The following CNDP1 variants were observed in gnomAD, a reference collection of about 807,000 sequenced individuals.
CNDP1 encodes the protein carnosine dipeptidase 1.
A neutral mutation model predicts 58.1 loss-of-function variants in CNDP1; 44 were observed. That is an observed-to-expected ratio of 0.76 (90% CI 0.60 to 0.97). The LOEUF is 0.97. Ranked by LOEUF, CNDP1 falls within the 50% of genes least tolerant of loss-of-function variation. The probability of loss-of-function intolerance (pLI) is 0.00; values close to 1 mark genes in which losing one functional copy is unlikely to be tolerated. For missense variants in CNDP1, 616 were observed against 655.1 expected, an observed-to-expected ratio of 0.94 and a Z score of 0.65; for synonymous variants, 254 against 252.6, an observed-to-expected ratio of 1.01 and a Z score of -0.05.
intron 1 of CNDP1, among the ~76,000 whole-genome samples, chr18:74,554,405 C>G (rs1980984607): frequency 6.6e-6 from 1 of 152,168 alleles, no homozygotes; most frequent in Admixed American, 6.5e-5. Context: ...GAGATGCACT[C>G]TTTATTGCCG....
intron 7 of CNDP1, among the ~76,000 whole-genome samples, chr18:74,572,727 G>T (rs36060345): frequency 7.0e-6 from 1 of 142,418 alleles, no homozygotes; most frequent in Non-Finnish European, 1.5e-5. Context: ...GGCAGAGGTT[G>T]CAGTGAGCTG....
intron 1 of CNDP1, among the ~76,000 whole-genome samples, chr18:74,547,163 G>A (rs149741725): frequency 6.6e-6 from 1 of 152,212 alleles, no homozygotes; most frequent in Non-Finnish European, 1.5e-5. Context: ...TTAAAATCCT[G>A]TGATGGTGAG....
intron 1 of CNDP1, among the ~76,000 whole-genome samples, chr18:74,553,533 T>C (rs1225983839): frequency 6.6e-6 from 1 of 152,200 alleles, no homozygotes; most frequent in Middle Eastern, 3.2e-3. Context: ...CCCCATTGAA[T>C]GATCTCCGCA....
In CNDP1 at chr18:74,552,067, A is replaced by G. The variant is rs116731155; in HGVS notation, c.25-4271A>G. ...CGCCCCTGGCTCCTGGCTAAGTCCC[A>G]CAGAGCTGGGCTGGATCTGGCTTCA... On this transcript the variant is annotated intron_variant, in intron 1 of 11. Transcript: ENST00000358821. Among the ~76,000 whole-genome samples the G allele has an allele frequency of 1.8e-3, 276 of 152,306 alleles. 1 individual carries two copies. Among genetic ancestry groups the G allele is most frequent in the African/African-American group, 6.5e-3 (271 of 41,548 alleles).
intron 6 of CNDP1, among the ~76,000 whole-genome samples, chr18:74,569,718 G>A (rs1482950412): frequency 6.6e-6 from 1 of 152,150 alleles, no homozygotes; most frequent in Non-Finnish European, 1.5e-5. Context: ...GAGTTCCCAA[G>A]GAGGCAATTC....
chr18:74,584,769 A>G lies in CNDP1; in HGVS notation c.*207A>G. The G allele has an allele frequency of 1.9e-6, 1 of 528,470 alleles. No individual in the cohort carries two copies. The highest frequency in any genetic ancestry group is 3.4e-6 in the Non-Finnish European group (1 of 295,206). The allele number at this position is 528,470 out of a possible 1,614,324, so 32.7% of individuals were successfully genotyped here. On this transcript the variant is annotated 3_prime_UTR_variant, in exon 12 of 12. Coordinates refer to ENST00000358821, the MANE Select transcript of CNDP1 (RefSeq NM_032649.6). ...GAAATGGTTTAAGGTCCCCCACTGC[A>G]CACCTTCCTCAAGTCATAGCTGCTT...
At chr18:74,560,701 GAAAAAA>G (rs796679431) in intron 3 of CNDP1, among the ~76,000 whole-genome samples, 149 bp from the exon 4 acceptor site, 4 of 150,210 alleles carry the variant, frequency 2.7e-5, no homozygotes, top group Non-Finnish European at 5.9e-5. Context: ...AAAGAAAAAA[GAAAAAA>G]AAAGTGTTTC....
intron 7 of CNDP1, chr18:74,576,640 G>C: frequency 4.8e-6 from 2 of 412,930 alleles, no homozygotes; most frequent in Non-Finnish European, 8.6e-6. Context: ...CCTTTGACAA[G>C]GTGAACACTA....
chr18:74,574,107 T>A (rs1219695871), intron 7 of CNDP1, among the ~76,000 whole-genome samples: 1 of 152,168 alleles, frequency 6.6e-6, no homozygotes, highest in Non-Finnish European at 1.5e-5. Context: ...CTGTGTCCAC[T>A]CCTGCAGGCT....
At chr18:74,547,837 C>T (rs1304035550) in intron 1 of CNDP1, among the ~76,000 whole-genome samples, 2 of 152,184 alleles carry the variant, frequency 1.3e-5, no homozygotes, top group African/African-American at 4.8e-5. Flanking sequence ...ATGTAAACCT[C>T]CCGCTAAGAG....
intron 5 of CNDP1, 30 bp from the exon 6 acceptor site, chr18:74,567,203 G>A: frequency 6.3e-7 from 1 of 1,582,594 alleles, no homozygotes; most frequent in Non-Finnish European, 8.7e-7. Flanking sequence ...CAGGCAACTT[G>A]TGCAATTTTT....
At chr18:74,540,571 T>G (rs950119170) in intron 1 of CNDP1, among the ~76,000 whole-genome samples, 2 of 152,162 alleles carry the variant, frequency 1.3e-5, no homozygotes, top group African/African-American at 4.8e-5. Flanking sequence ...TTGGGGAACC[T>G]CAGTGAGGAT....
intron 1 of CNDP1, among the ~76,000 whole-genome samples, chr18:74,555,856 G>A (rs1981024174): frequency 6.6e-6 from 1 of 152,144 alleles, no homozygotes; most frequent in Non-Finnish European, 1.5e-5. Flanking sequence ...AAAGTACTGT[G>A]ATTTCAGGAG....
At chr18:74,567,102 A>C (rs4891562) in intron 5 of CNDP1, 131 bp from the exon 6 acceptor site, 422,270 of 694,244 alleles carry the variant, frequency 0.61, 132,748 homozygotes, top group Non-Finnish European at 0.67. Context: ...CCATGATTCA[A>C]TTACCTCCCC....
At chr18:74,555,948 T>C (rs371981038) in intron 1 of CNDP1, among the ~76,000 whole-genome samples, 3 of 152,180 alleles carry the variant, frequency 2.0e-5, no homozygotes, top group Non-Finnish European at 4.4e-5. Context: ...TCATCACACA[T>C]GGAAGATTTT....
At chr18:74,538,444 G>A (rs1318938413) in intron 1 of CNDP1, among the ~76,000 whole-genome samples, 3 of 152,154 alleles carry the variant, frequency 2.0e-5, no homozygotes, top group African/African-American at 7.2e-5. Flanking sequence ...TTTGTTGGTG[G>A]ACATGTGGGT....
At position 74,573,368 on chromosome 18, in the gene CNDP1, TATC is replaced by T. The variant is rs1422944839; in HGVS notation, c.841+2102_841+2104del. Among the ~76,000 whole-genome samples, 10 of 129,906 alleles carry T rather than the reference TATC, an allele frequency of 7.7e-5. No individual in the cohort carries two copies. In the Admixed American group the frequency reaches 8.0e-4, roughly 10 times the overall value. 85.2% of individuals were successfully genotyped at this position (129,906 alleles called of 152,430 possible). On this transcript the variant is annotated intron_variant, in intron 7 of 11. Coordinates refer to ENST00000358821, the MANE Select transcript of CNDP1 (RefSeq NM_032649.6). ...TCCATCCATTCATTATCTATCCATC[TATC>T]ATCTTTCTATCCATTCATCCATCCA...
Position 74,586,507 on chromosome 18 carries a change from T to C in CNDP1, c.*1945T>C, listed in dbSNP as rs955742159. On this transcript the variant is annotated 3_prime_UTR_variant, in exon 12 of 12. Transcript: ENST00000358821. ...ATACACTGTAAGCATTTCTGGCTAA[T>C]GTACCATCAGATTTAAGAAGTTACC... 1.3e-5 allele frequency: 2 copies of C among 152,218 alleles called. No homozygotes were observed. The highest frequency in any genetic ancestry group is 2.9e-5 in the Non-Finnish European group (2 of 68,038). The allele number at this position is 152,218 out of a possible 1,614,324, so 9.4% of individuals were successfully genotyped here. A position where few individuals can be genotyped will look rare whatever the true frequency, so the allele number is the denominator to read the frequency against.
rs1220423478 is a variant in CNDP1 at position 74,541,382 on chromosome 18, G to T, written c.24+6691G>T. ...GCTCACCAGAGAGAGATGCTGCCCT[G>T]GTGACTGCCACTCTGCTGGCTCGGG... is the stretch of plus-strand genomic sequence containing the variant. On this transcript the variant is annotated intron_variant, in intron 1 of 11. Transcript: ENST00000358821. 2.6e-5 allele frequency among the ~76,000 whole-genome samples: 4 copies of T among 152,212 alleles called. No individual in the cohort carries two copies. In the East Asian group the frequency reaches 7.7e-4, roughly 29 times the overall value.
Sources: gnomAD v4.1 joint callset for allele counts (sites outside exome capture counted in the v4.1 genomes callset) on GRCh38, gnomAD v4.1.1 for gene constraint, MANE v1.5 for transcripts, NCBI Gene and HGNC (gene_info 2026-07-23, HGNC 2026-07-21) for gene names.